NLGN1: variants seen among roughly 807,000 people sequenced by gnomAD.
NLGN1 encodes the protein neuroligin-1.
NLGN1 carries 12 observed loss-of-function variants against 65.5 expected under a neutral mutation model. The observed-to-expected ratio is 0.18, with a 90% CI of 0.12 to 0.30. The LOEUF (loss-of-function observed/expected upper bound fraction) is 0.30, where lower values mean the gene tolerates loss of function less well. Ranked by LOEUF, NLGN1 falls within the 10% of genes least tolerant of loss-of-function variation. NLGN1 has a pLI of 1.00. For missense variants in NLGN1, 750 were observed against 1,007.1 expected (o/e 0.74, Z 3.46); for synonymous variants, 350 against 359.5 (o/e 0.97, Z 0.30).
At position 173,699,245 on chromosome 3, in the gene NLGN1, G is replaced by T. The variant is rs545845518; in HGVS notation, c.493+94154G>T. 8.0e-4 allele frequency among the ~76,000 whole-genome samples: 122 copies of T among 152,170 alleles called. 2 individuals are homozygous for T. The South Asian group carries it at 0.025, about 31-fold the overall frequency. ...ATTTCAAAACCCAAATTTTAATATGGTTTACCAAGCCTGAACATAAAATAA... is the reference window on the plus strand; with the variant it reads ...ATTTCAAAACCCAAATTTTAATATGTTTTACCAAGCCTGAACATAAAATAA... On this transcript the variant is annotated intron_variant, in intron 3 of 6. Coordinates refer to ENST00000457714, the Ensembl canonical transcript of NLGN1.
chr3:173,780,537 G>A (rs1415814895), intron 3 of NLGN1, among the ~76,000 whole-genome samples: 1 of 152,178 alleles, frequency 6.6e-6, no homozygotes, highest in Non-Finnish European at 1.5e-5. Context: ...TAGCAACCAA[G>A]ACAATAACAT....
chr3:173,706,828 T>TGCAC (rs771717608), intron 3 of NLGN1, among the ~76,000 whole-genome samples: 12 of 152,226 alleles, frequency 7.9e-5, no homozygotes, highest in Admixed American at 3.3e-4. Flanking sequence ...CGCCCACGCG[T>TGCAC]GCACGCACGC....
chr3:174,123,239 G>A (rs1718154995), intron 4 of NLGN1, among the ~76,000 whole-genome samples: 2 of 152,140 alleles, frequency 1.3e-5, no homozygotes, highest in African/African-American at 4.8e-5. Context: ...GAAAACCAGT[G>A]ACAAAGGCAG....
At chr3:174,010,097 G>T (rs35244181) in intron 4 of NLGN1, among the ~76,000 whole-genome samples, 1 of 151,990 alleles carries the variant, frequency 6.6e-6, no homozygotes, top group Non-Finnish European at 1.5e-5. Context: ...TTTTGAATGG[G>T]TATTCTAGAG....
intron 3 of NLGN1, among the ~76,000 whole-genome samples, chr3:173,714,166 T>G (rs1769459508): frequency 6.6e-6 from 1 of 152,170 alleles, no homozygotes; most frequent in Non-Finnish European, 1.5e-5. Context: ...TGTTGTTATA[T>G]TGTCACCTCA....
At position 173,533,566 on chromosome 3, in the gene NLGN1, T is replaced by C. The variant is rs1188032796; in HGVS notation, c.-320-70713T>C. On this transcript the variant is annotated intron_variant, in intron 2 of 6. Coordinates refer to ENST00000457714, the Ensembl canonical transcript of NLGN1. ...CTCCCATGGCTCTCTCAGAGAAAGG[T>C]TGTGAAATCCTGTATGACAGACCCA... Among the ~76,000 whole-genome samples, 3 of 152,106 alleles carry C rather than the reference T, an allele frequency of 2.0e-5. No individual in the cohort carries two copies. In the East Asian group the frequency reaches 5.8e-4, roughly 29 times the overall value.
intron 4 of NLGN1, among the ~76,000 whole-genome samples, chr3:174,182,302 G>T (rs190751304): frequency 1.3e-5 from 2 of 152,102 alleles, no homozygotes; most frequent in Non-Finnish European, 2.9e-5. Context: ...TGGTTGAAAT[G>T]CTTAAAGTAA....
chr3:173,686,330 A>G (rs985219902), intron 3 of NLGN1, among the ~76,000 whole-genome samples: 4 of 151,988 alleles, frequency 2.6e-5, no homozygotes, highest in African/African-American at 9.7e-5. Context: ...TTAATAAGTA[A>G]AAATTTCTTT....
At chr3:173,405,751 A>G (rs190510084) in intron 1 of NLGN1, among the ~76,000 whole-genome samples, 1 of 152,244 alleles carries the variant, frequency 6.6e-6, no homozygotes, top group East Asian at 1.9e-4. Context: ...CCAGGAACGA[A>G]GAGACCGATG....
chr3:173,473,130 C>T (rs1260812283), intron 2 of NLGN1, among the ~76,000 whole-genome samples: 1 of 152,168 alleles, frequency 6.6e-6, no homozygotes, highest in Non-Finnish European at 1.5e-5. Context: ...AACCCCACAA[C>T]AGAAATCCCA....
rs534684637 is a variant in NLGN1, at chr3:173,774,679, T to G, written c.494-33001T>G. ...TGAGCATTTTTGTTAAAGATTTCTT[T>G]GTTCAATTTAAGATCACTTGCTCTC... is the stretch of plus-strand genomic sequence containing the variant. On this transcript the variant is annotated intron_variant, in intron 3 of 6. Coordinates refer to ENST00000457714, the Ensembl canonical transcript of NLGN1. Among the ~76,000 whole-genome samples the G allele has an allele frequency of 2.6e-5, 4 of 152,306 alleles. No individual in the cohort carries two copies. In the South Asian group the frequency reaches 6.2e-4, roughly 24 times the overall value.
chr3:173,800,282 C>A, intron 3 of NLGN1: 1 of 1,059,716 alleles, frequency 9.4e-7, no homozygotes, highest in Non-Finnish European at 1.2e-6. Context: ...TTTCTCCGTT[C>A]TCAATCCTAG....
chr3:173,927,816 A>T (rs1295858849), intron 4 of NLGN1, among the ~76,000 whole-genome samples: 1 of 152,074 alleles, frequency 6.6e-6, no homozygotes, highest in African/African-American at 2.4e-5. Flanking sequence ...TGTCACAGAA[A>T]CAGGCTTTCT....
chr3:174,161,527 C>CA (rs1395473835), intron 4 of NLGN1, among the ~76,000 whole-genome samples: 1 of 151,816 alleles, frequency 6.6e-6, no homozygotes, highest in African/African-American at 2.4e-5. Flanking sequence ...AGGCTTTAAT[C>CA]ATGTGCTGCA....
intron 4 of NLGN1, among the ~76,000 whole-genome samples, chr3:173,958,306 G>A: frequency 6.6e-6 from 1 of 152,202 alleles, no homozygotes; most frequent in East Asian, 1.9e-4. Context: ...GGTTGAGCAA[G>A]GTAAAGAGGA....
At chr3:173,413,818 C>G (rs1713105259) in intron 1 of NLGN1, among the ~76,000 whole-genome samples, 1 of 152,112 alleles carries the variant, frequency 6.6e-6, no homozygotes, top group Admixed American at 6.5e-5. Flanking sequence ...CCAGGTGATT[C>G]TGGCTACCCT....
intron 2 of NLGN1, among the ~76,000 whole-genome samples, chr3:173,547,191 ATC>A (rs1740015177): frequency 6.6e-6 from 1 of 152,092 alleles, no homozygotes; most frequent in Non-Finnish European, 1.5e-5. Context: ...ATTAGTCTGA[ATC>A]TCTCCAAATC....
intron 3 of NLGN1, among the ~76,000 whole-genome samples, chr3:173,656,580 G>A (rs1305158209): frequency 1.3e-5 from 2 of 152,038 alleles, no homozygotes. Context: ...CCCAGCTAAC[G>A]TGGTCCAGAT....
chr3:173,783,777 G>C (rs559133041), intron 3 of NLGN1, among the ~76,000 whole-genome samples: 1 of 152,156 alleles, frequency 6.6e-6, no homozygotes, highest in East Asian at 1.9e-4. Flanking sequence ...ACCATGCCAG[G>C]CTAATTTTTG....
Sources: gnomAD v4.1 joint callset for allele counts (sites outside exome capture counted in the v4.1 genomes callset) on GRCh38, gnomAD v4.1.1 for gene constraint, MANE v1.5 for transcripts, NCBI Gene and HGNC (gene_info 2026-07-23, HGNC 2026-07-21) for gene names.